HDAC8: variants seen among roughly 807,000 people sequenced by gnomAD.
HDAC8 encodes histone deacetylase 8, also known as histone deacetylase-like 1.
Under a neutral mutation model 32.2 loss-of-function variants are expected in HDAC8, and 1 was observed. The observed-to-expected ratio is 0.03, with a 90% CI of 0.01 to 0.15. The LOEUF is 0.15. Among genes scored for constraint, HDAC8 ranks in the 10% least tolerant of loss-of-function variants. HDAC8 has a pLI of 1.00. For synonymous variants in HDAC8, 108 were observed against 113.9 expected (o/e 0.95, Z 0.33); for missense variants, 117 against 300.0 (o/e 0.39, Z 4.51).
chrX:72,559,827 G>A (rs1405715552), intron 4 of HDAC8, among the ~76,000 whole-genome samples: 3 of 108,604 alleles, frequency 2.8e-5, no homozygotes, highest in South Asian at 8.4e-4. Flanking sequence ...GAGCCCCTCC[G>A]CCCAGCAGCT....
At chrX:72,357,666 G>C (rs1321019588) in intron 9 of HDAC8, among the ~76,000 whole-genome samples, 2 of 110,438 alleles carry the variant, frequency 1.8e-5, no homozygotes, top group Non-Finnish European at 3.8e-5. Flanking sequence ...GAGTGATGAC[G>C]GGAATACAGT....
At chrX:72,563,800 T>C (rs2051677309) in intron 4 of HDAC8, among the ~76,000 whole-genome samples, 1 of 111,678 alleles carries the variant, frequency 9.0e-6, no homozygotes, top group African/African-American at 3.3e-5. Flanking sequence ...TTAATACACA[T>C]TGGCTACCAA....
intron 9 of HDAC8, among the ~76,000 whole-genome samples, chrX:72,394,157 A>G (rs1304721725): frequency 8.9e-6 from 1 of 112,032 alleles, no homozygotes; most frequent in Non-Finnish European, 1.9e-5. Flanking sequence ...TGCAGAAATA[A>G]TAATGGCATT....
chrX:72,548,644 C>G (rs373507257), intron 4 of HDAC8, among the ~76,000 whole-genome samples: 1 of 110,442 alleles, frequency 9.1e-6, no homozygotes, highest in East Asian at 2.8e-4. Context: ...ATAAATCTTA[C>G]GTCATCTCTA....
chrX:72,329,617 C>T lies in HDAC8; in HGVS notation c.*437G>A, dbSNP rs1602490259. ...CCCAGTCTGCTGATCAGTACCCTCT[C>T]TCCCAGGGCTCCACCTGGATGGTCC... On this transcript the variant is annotated 3_prime_UTR_variant, in exon 11 of 11. Transcript: ENST00000373573. 5 of 1,153,254 alleles carry T rather than the reference C, an allele frequency of 4.3e-6. No individual in the cohort carries two copies. In the East Asian group the frequency reaches 1.6e-4, roughly 37 times the overall value.
chrX:72,536,991 T>A (rs1047490573), intron 4 of HDAC8, among the ~76,000 whole-genome samples: 2 of 112,005 alleles, frequency 1.8e-5, no homozygotes, highest in Non-Finnish European at 3.8e-5. Context: ...GATAGATTTA[T>A]CAACCTACGC....
chrX:72,425,014 A>G (rs1337063852), intron 9 of HDAC8, among the ~76,000 whole-genome samples: 1 of 112,111 alleles, frequency 8.9e-6, no homozygotes, highest in Non-Finnish European at 1.9e-5. Flanking sequence ...GCATAATGCT[A>G]TAGTTAACAT....
intron 4 of HDAC8, among the ~76,000 whole-genome samples, chrX:72,542,823 G>A (rs1307111853): frequency 8.9e-6 from 1 of 112,386 alleles, no homozygotes; most frequent in Non-Finnish European, 1.9e-5. Flanking sequence ...TCTCACTGAT[G>A]TCTCACACCT....
chrX:72,446,436 CA>C (rs1229479487), intron 9 of HDAC8, among the ~76,000 whole-genome samples: 2 of 108,879 alleles, frequency 1.8e-5, no homozygotes, highest in Non-Finnish European at 1.9e-5. Flanking sequence ...ATCGCAAGGA[CA>C]AAAAACCAAA....
chrX:72,339,809 A>G (rs1236676012), intron 10 of HDAC8, among the ~76,000 whole-genome samples: 2 of 112,407 alleles, frequency 1.8e-5, no homozygotes, highest in Non-Finnish European at 1.9e-5. Flanking sequence ...AAGGGTTCCT[A>G]TGAAGCCTTG....
At chrX:72,525,471 A>G (rs1269502520) in intron 4 of HDAC8, among the ~76,000 whole-genome samples, 2 of 109,915 alleles carry the variant, frequency 1.8e-5, no homozygotes, top group Non-Finnish European at 3.8e-5. Context: ...TGGCCCCTCA[A>G]ATTGGTCTCC....
intron 9 of HDAC8, among the ~76,000 whole-genome samples, chrX:72,448,541 A>C (rs1226718811): frequency 2.7e-5 from 3 of 112,446 alleles, no homozygotes; most frequent in Non-Finnish European, 5.6e-5. Flanking sequence ...CTTCATGACT[A>C]AAATACCAAA....
intron 4 of HDAC8, among the ~76,000 whole-genome samples, chrX:72,548,459 C>T (rs1464542852): frequency 2.7e-5 from 3 of 111,965 alleles, no homozygotes; most frequent in Non-Finnish European, 5.6e-5. Context: ...AACTATATTA[C>T]ATTGCTCTGC....
At chrX:72,356,602 T>A (rs2044374024) in intron 9 of HDAC8, among the ~76,000 whole-genome samples, 1 of 105,244 alleles carries the variant, frequency 9.5e-6, no homozygotes, top group South Asian at 4.3e-4. Flanking sequence ...GGGGATGGAG[T>A]CTCACTCTGT....
chrX:72,386,224 T>C (rs1856041765), intron 9 of HDAC8, among the ~76,000 whole-genome samples: 1 of 111,417 alleles, frequency 9.0e-6, no homozygotes, highest in African/African-American at 3.3e-5. Flanking sequence ...GGAGAAAAAA[T>C]ATTGAATGAA....
At chrX:72,356,280 G>A (rs1211396229) in intron 9 of HDAC8, among the ~76,000 whole-genome samples, 1 of 111,376 alleles carries the variant, frequency 9.0e-6, no homozygotes, top group Non-Finnish European at 1.9e-5. Flanking sequence ...GGGTATAGAG[G>A]ATGGGAGGGA....
chrX:72,519,219 AT>A (rs1411638690), intron 4 of HDAC8, among the ~76,000 whole-genome samples: 2 of 112,153 alleles, frequency 1.8e-5, no homozygotes, highest in Non-Finnish European at 3.8e-5. Flanking sequence ...GTTGATGGTC[AT>A]TTGGGTTGTT....
At chrX:72,434,744 TTAA>T (rs1409665852) in intron 9 of HDAC8, among the ~76,000 whole-genome samples, 2 of 111,943 alleles carry the variant, frequency 1.8e-5, no homozygotes, top group African/African-American at 6.5e-5. Flanking sequence ...AACAATAATA[TTAA>T]TGATATCTAA....
intron 10 of HDAC8, among the ~76,000 whole-genome samples, chrX:72,336,032 G>C (rs1288006361): frequency 9.0e-6 from 1 of 111,501 alleles, no homozygotes; most frequent in Non-Finnish European, 1.9e-5. Context: ...AATTCATTTG[G>C]GTAATTACTA....
Sources: allele counts gnomAD v4.1 joint callset (sites outside exome capture counted in the v4.1 genomes callset), GRCh38; gene constraint gnomAD v4.1.1; transcripts MANE v1.5; gene names NCBI Gene and HGNC (gene_info 2026-07-23, HGNC 2026-07-21).